The following DMD variants were observed in gnomAD, a reference collection of about 807,000 sequenced individuals.
DMD encodes dystrophin.
A neutral mutation model predicts 330.1 loss-of-function variants in DMD; 63 were observed. The observed-to-expected ratio is 0.19, with a 90% CI of 0.16 to 0.24. The LOEUF is 0.24. DMD is among the 10% of genes least tolerant of loss of function. The pLI is 1.00. For synonymous variants in DMD, 1,223 were observed against 959.8 expected, an observed-to-expected ratio of 1.27 and a Z score of -5.07; for missense variants, 3,344 against 2,684.1, an observed-to-expected ratio of 1.25 and a Z score of -5.43.
intron 1 of DMD, among the ~76,000 whole-genome samples, chrX:33,166,428 T>C (rs1233878207): frequency 1.8e-5 from 2 of 111,700 alleles, no homozygotes; most frequent in African/African-American, 3.2e-5. Flanking sequence ...TTAAAACTTA[T>C]GGTGAAATAA....
At chrX:32,347,352 C>T (rs918756836) in intron 38 of DMD, among the ~76,000 whole-genome samples, 2 of 111,482 alleles carry the variant, frequency 1.8e-5, no homozygotes, top group African/African-American at 6.5e-5. Context: ...GGCTCTAGGG[C>T]AGAGTTGGGG....
chrX:32,899,534 C>T (rs1468834382), intron 2 of DMD, among the ~76,000 whole-genome samples: 1 of 108,243 alleles, frequency 9.2e-6, no homozygotes, highest in Non-Finnish European at 1.9e-5. Context: ...ATTAGCTGGT[C>T]GTGGTGGCAC....
At chrX:31,157,493 A>AGG (rs2038282721) in intron 74 of DMD, among the ~76,000 whole-genome samples, 1 of 112,077 alleles carries the variant, frequency 8.9e-6, no homozygotes, top group African/African-American at 3.2e-5. Flanking sequence ...AGAGGTGAAG[A>AGG]ACTCTAGTCC....
intron 76 of DMD, 33 bp downstream of exon 76, chrX:31,146,258 A>T (rs747031916): frequency 8.3e-7 from 1 of 1,206,492 alleles, no homozygotes; most frequent in Middle Eastern, 2.6e-4. Flanking sequence ...CTTTCTTCAG[A>T]CAACAAAATC....
At chrX:31,906,925 C>T (rs1318814740) in intron 47 of DMD, among the ~76,000 whole-genome samples, 1 of 112,384 alleles carries the variant, frequency 8.9e-6, no homozygotes, top group African/African-American at 3.2e-5. Flanking sequence ...TCAATTCCTT[C>T]CCTGGTTGCA....
intron 1 of DMD, among the ~76,000 whole-genome samples, chrX:33,163,698 T>C (rs2148672221): frequency 9.5e-6 from 1 of 105,466 alleles, no homozygotes; most frequent in South Asian, 4.1e-4. Flanking sequence ...ATTGCATTCC[T>C]CTCTTACTCA....
intron 67 of DMD, among the ~76,000 whole-genome samples, chrX:31,186,635 A>T (rs1193849554): frequency 8.9e-6 from 1 of 112,307 alleles, no homozygotes; most frequent in Non-Finnish European, 1.9e-5. Flanking sequence ...CTAGACAGGT[A>T]CCCCTGAACT....
chrX:31,226,107 T>C (rs2046562084), intron 63 of DMD, among the ~76,000 whole-genome samples: 1 of 112,168 alleles, frequency 8.9e-6, no homozygotes, highest in Non-Finnish European at 1.9e-5. Flanking sequence ...CATCAGTATC[T>C]GCTTGGAGCT....
intron 66 of DMD, among the ~76,000 whole-genome samples, chrX:31,205,935 A>C (rs142849974): frequency 0.017 from 1,876 of 112,676 alleles, 38 homozygotes; most frequent in African/African-American, 0.057. Context: ...AGCCTTTCAC[A>C]ATATGAATGG....
chrX:32,210,656 A>G (rs1347250754), intron 44 of DMD, among the ~76,000 whole-genome samples: 1 of 111,934 alleles, frequency 8.9e-6, no homozygotes, highest in African/African-American at 3.2e-5. Context: ...TCTTTGAGGC[A>G]GTAGATTGCC....
intron 2 of DMD, among the ~76,000 whole-genome samples, chrX:32,964,303 G>T (rs1395664583): frequency 1.9e-5 from 2 of 103,660 alleles, no homozygotes; most frequent in African/African-American, 3.6e-5. Context: ...GAAGAGACTA[G>T]AGAAGCAATT....
intron 1 of DMD, among the ~76,000 whole-genome samples, chrX:33,249,683 A>G (rs2052737335): frequency 9.0e-6 from 1 of 111,649 alleles, no homozygotes; most frequent in African/African-American, 3.3e-5. Flanking sequence ...CCTATGTCCA[A>G]TCATGTTGCA....
At chrX:32,305,719 T>G (rs2097537997) in intron 42 of DMD, among the ~76,000 whole-genome samples, 1 of 111,238 alleles carries the variant, frequency 9.0e-6, no homozygotes, top group Admixed American at 9.6e-5. Context: ...CTCATCTCAT[T>G]TAGAATCTTC....
chrX:31,434,050 G>A (rs1355390928), intron 60 of DMD, among the ~76,000 whole-genome samples: 1 of 111,297 alleles, frequency 9.0e-6, no homozygotes, highest in Non-Finnish European at 1.9e-5. Context: ...CATTCAGATA[G>A]GGGAAACAGA....
At chrX:31,133,952 T>C (rs1458970381) in intron 77 of DMD, 150 bp downstream of exon 77, 1 of 522,098 alleles carries the variant, frequency 1.9e-6, no homozygotes, top group African/African-American at 2.3e-5. Flanking sequence ...AAATTCACAC[T>C]TAAAAATCAA....
Position 31,121,795 on chromosome X carries a change from T to C in DMD, c.*124A>G. 2 of 964,303 alleles carry C rather than the reference T, an allele frequency of 2.1e-6. No individual in the cohort carries two copies. Among genetic ancestry groups the C allele is most frequent in the Non-Finnish European group, 3.0e-6 (2 of 670,560 alleles). 79.5% of individuals were successfully genotyped at this position (964,303 alleles called of 1,213,427 possible). On this transcript the variant is annotated 3_prime_UTR_variant, in exon 79 of 79. Transcript: ENST00000357033. ...TCTAATCCTCTTTGTTGTATGAATA[T>C]TATAAAAACCATGCGGGAATCAGGA...
At chrX:32,610,848 A>G (rs2057112523) in intron 12 of DMD, among the ~76,000 whole-genome samples, 1 of 111,039 alleles carries the variant, frequency 9.0e-6, no homozygotes, top group African/African-American at 3.3e-5. Flanking sequence ...CAGAAGGAGA[A>G]ATTTCCTTAC....
At chrX:32,249,805 C>T (rs1469016893) in intron 43 of DMD, among the ~76,000 whole-genome samples, 1 of 111,321 alleles carries the variant, frequency 9.0e-6, no homozygotes, top group Non-Finnish European at 1.9e-5. Flanking sequence ...AAGGATCGAA[C>T]ACTCAAGGAG....
At chrX:31,866,701 G>A (rs2149636273) in intron 48 of DMD, among the ~76,000 whole-genome samples, 1 of 112,009 alleles carries the variant, frequency 8.9e-6, no homozygotes, top group South Asian at 3.7e-4. Context: ...AAAACTTCCA[G>A]AAACATTAGG....
Sources: allele counts gnomAD v4.1 joint callset (sites outside exome capture counted in the v4.1 genomes callset), GRCh38; gene constraint gnomAD v4.1.1; transcripts MANE v1.5; gene names NCBI Gene and HGNC (gene_info 2026-07-23, HGNC 2026-07-21).